DDR2: variants seen among roughly 807,000 people sequenced by gnomAD.
DDR2 encodes discoidin domain-containing receptor 2.
DDR2 carries 27 observed loss-of-function variants against 94.9 expected under a neutral mutation model. The observed-to-expected ratio is 0.28, with a 90% CI of 0.21 to 0.39. The LOEUF is 0.39. Ranked by LOEUF, DDR2 falls within the 10% of genes least tolerant of loss-of-function variation. The pLI is 1.00. For missense variants in DDR2, 783 were observed against 1,076.0 expected (o/e 0.73, Z 3.81); for synonymous variants, 382 against 377.2 (o/e 1.01, Z -0.15).
rs774480993 is a variant in DDR2 at position 162,770,615 on chromosome 1, CT to C, written c.1504+104del. The C allele has an allele frequency of 1.7e-5, 19 of 1,143,120 alleles. No homozygotes were observed. In the Admixed American group the frequency reaches 2.2e-4, roughly 13 times the overall value. 70.8% of individuals were successfully genotyped at this position (1,143,120 alleles called of 1,614,324 possible). On this transcript the variant is annotated intron_variant, in intron 12 of 17. Transcript: ENST00000367921. ...AGTTCATTGCATCTATTTTTAGTCT[CT>C]GCTAACCTCCTGAGAAGTCCACATT...
At chr1:162,647,394 G>A (rs555187085) in intron 1 of DDR2, among the ~76,000 whole-genome samples, 2 of 151,522 alleles carry the variant, frequency 1.3e-5, no homozygotes, top group Admixed American at 6.6e-5. Context: ...ATTTGTTACC[G>A]GCAAGGGGTC....
chr1:162,760,485 T>C (rs1663665797), intron 8 of DDR2, among the ~76,000 whole-genome samples: 1 of 114,756 alleles, frequency 8.7e-6, no homozygotes. Context: ...CATATACAAC[T>C]ATATATGTAT....
At chr1:162,742,838 A>G (rs1313378892) in intron 3 of DDR2, among the ~76,000 whole-genome samples, 1 of 152,210 alleles carries the variant, frequency 6.6e-6, no homozygotes, top group Non-Finnish European at 1.5e-5. Context: ...CTTACATGGC[A>G]GCAGCAAGAG....
intron 2 of DDR2, among the ~76,000 whole-genome samples, chr1:162,664,752 G>C (rs1235663644): frequency 6.6e-6 from 1 of 152,064 alleles, no homozygotes; most frequent in Admixed American, 6.6e-5. Context: ...AAATGAGCAT[G>C]CATCACTTTT....
Position 162,754,821 on chromosome 1 carries a change from G to T in DDR2, c.383G>T (p.Arg128Leu), listed in dbSNP as rs149507401. 6.2e-7 allele frequency: 1 copy of T among 1,614,062 alleles called. No individual in the cohort carries two copies. The highest frequency in any genetic ancestry group is 1.7e-5 in the Admixed American group (1 of 60,012). Residue 128 changes from arginine to leucine, a missense_variant, in exon 5 of 18, where the codon CGC (arginine) becomes CTC (leucine). By Grantham distance (102) the Arg-to-Leu change is moderately radical. Around this residue, in one of 2 missense-constraint regions of DDR2, gnomAD observed 519 missense variants for 647.9 expected, o/e 0.80. Coordinates refer to ENST00000367921, the MANE Select transcript of DDR2 (RefSeq NM_006182.4). ...ATCAATTACAGTCGGGATGGCACTC[G>T]CTGGATCTCTTGGCGGAACCGTCAT... ...YKINYSRDGT[R>L]WISWRNRHGK...
In DDR2 at chr1:162,772,181, T is replaced by A. The variant is rs747269621; in HGVS notation, c.1662T>A (p.Ala554=). ...ACCTGCTCTCAGGAAAAGATGTGGC[T>A]GTGGAGGAGTTCCCCAGGAAACTCC... ...TMDLLSGKDV[A]VEEFPRKLLT... is the part of the protein sequence containing the mutation. The change falls in exon 13 of 18, where the codon GCT becomes GCA. Residue 554 remains alanine, a synonymous_variant. Coordinates refer to ENST00000367921, the MANE Select transcript of DDR2 (RefSeq NM_006182.4). The A allele has an allele frequency of 6.2e-7, 1 of 1,614,256 alleles. No homozygotes were observed. The highest frequency in any genetic ancestry group is 1.1e-5 in the South Asian group (1 of 91,086).
chr1:162,700,813 C>A (rs955538801), intron 2 of DDR2, among the ~76,000 whole-genome samples: 3 of 152,102 alleles, frequency 2.0e-5, no homozygotes, highest in Non-Finnish European at 4.4e-5. Flanking sequence ...CAGGGCTCTA[C>A]GAGAATGGCA....
intron 10 of DDR2, among the ~76,000 whole-genome samples, 160 bp from the exon 11 acceptor site, chr1:162,767,069 A>AAAAC (rs4038297): frequency 6.6e-6 from 1 of 151,170 alleles, no homozygotes; most frequent in Non-Finnish European, 1.5e-5. Flanking sequence ...AAGAAAACAA[A>AAAAC]ACAGTAGCAA....
chr1:162,686,450 G>A lies in DDR2; in HGVS notation c.-28+31076G>A, dbSNP rs376442836. Among the ~76,000 whole-genome samples the A allele has an allele frequency of 7.6e-4, 116 of 152,256 alleles. No homozygotes were observed. The South Asian group carries it at 0.023, about 30-fold the overall frequency. ...TCCTCATTGTTCAACTCCCACTTAT[G>A]AGTGAGAATATGCGGTGTTTGGTTT... On this transcript the variant is annotated intron_variant, in intron 2 of 17. Transcript: ENST00000367921.
In DDR2 at chr1:162,671,433, G is replaced by A. The variant is rs548753231; in HGVS notation, c.-28+16059G>A. On this transcript the variant is annotated intron_variant, in intron 2 of 17. Transcript: ENST00000367921. ...AATGATCATATCATTAGCATTTCCC[G>A]AGGGTTACCATGTCCCAAATGTGTG... Among the ~76,000 whole-genome samples, 109 of 152,270 alleles carry A rather than the reference G, an allele frequency of 7.2e-4. No homozygotes were observed. The Middle Eastern group carries it at 0.017, about 24-fold the overall frequency.
intron 2 of DDR2, among the ~76,000 whole-genome samples, chr1:162,715,750 T>C (rs1661137501): frequency 6.6e-6 from 1 of 152,230 alleles, no homozygotes; most frequent in South Asian, 2.1e-4. Context: ...ACAAACCTCA[T>C]TGAGTTACTG....
chr1:162,779,304 C>G (rs1024051037), intron 17 of DDR2, among the ~76,000 whole-genome samples: 1 of 151,772 alleles, frequency 6.6e-6, no homozygotes, highest in Non-Finnish European at 1.5e-5. Context: ...CCAAGATACT[C>G]CAAGCTTTTT....
intron 3 of DDR2, among the ~76,000 whole-genome samples, chr1:162,726,259 C>T (rs1416979598): frequency 1.3e-5 from 2 of 152,112 alleles, no homozygotes; most frequent in Non-Finnish European, 2.9e-5. Context: ...CTATACTGTC[C>T]TTTATATTTT....
At chr1:162,765,887 T>C (rs188159619) in intron 9 of DDR2, 114 bp from the exon 10 acceptor site, 2 of 901,876 alleles carry the variant, frequency 2.2e-6, no homozygotes, top group East Asian at 4.8e-5. Context: ...TTTAAAAGAC[T>C]GATGACAACT....
rs2102206942 is a variant in DDR2 at position 162,778,691 on chromosome 1, G to A, written c.2395G>A (p.Glu799Lys). Residue 799 changes from glutamate to lysine, a missense_variant, in exon 17 of 18, where the codon GAG becomes AAG. Glu to Lys is a moderately conservative substitution (Grantham distance 56). This residue lies in a region of DDR2 where 264 missense variants were observed against 428.2 expected (regional missense o/e 0.62). Transcript: ENST00000367921. ...CCAGCTGTCAGATGAACAGGTTATTGAGAATACTGGAGAGTTCTTCCGAGA... is the reference window on the plus strand; with the variant it reads ...CCAGCTGTCAGATGAACAGGTTATTAAGAATACTGGAGAGTTCTTCCGAGA... ...YSQLSDEQVI[E>K]NTGEFFRDQG... is the part of the protein sequence containing the mutation. The A allele has an allele frequency of 1.2e-6, 2 of 1,613,988 alleles. No individual in the cohort carries two copies. Among genetic ancestry groups the A allele is most frequent in the Non-Finnish European group, 1.7e-6 (2 of 1,179,912 alleles).
chr1:162,645,131 G>A (rs2101894914), intron 1 of DDR2, among the ~76,000 whole-genome samples: 1 of 152,318 alleles, frequency 6.6e-6, no homozygotes, highest in Middle Eastern at 3.4e-3. Flanking sequence ...CAGATTCTCT[G>A]TCACTCATGC....
chr1:162,635,881 T>C (rs977685615), intron 1 of DDR2, among the ~76,000 whole-genome samples: 1 of 152,212 alleles, frequency 6.6e-6, no homozygotes, highest in Non-Finnish European at 1.5e-5. Context: ...AACTGTGTTG[T>C]CTTTGGCAAT....
intron 1 of DDR2, among the ~76,000 whole-genome samples, chr1:162,642,783 T>G (rs1166163400): frequency 6.6e-6 from 1 of 152,170 alleles, no homozygotes; most frequent in Non-Finnish European, 1.5e-5. Context: ...CCTTTCCCTC[T>G]CTCACTGAGT....
intron 3 of DDR2, among the ~76,000 whole-genome samples, chr1:162,721,261 C>A (rs769923907): frequency 1.3e-5 from 2 of 152,150 alleles, no homozygotes; most frequent in African/African-American, 4.8e-5. Context: ...CACACTGTGG[C>A]CCTGGAGCAG....
Sources: allele counts gnomAD v4.1 joint callset (sites outside exome capture counted in the v4.1 genomes callset), GRCh38; gene constraint gnomAD v4.1.1; regional missense constraint gnomAD v4.1.1; transcripts MANE v1.5; gene names NCBI Gene and HGNC (gene_info 2026-07-23, HGNC 2026-07-21).